CEP128: variants seen among roughly 807,000 people sequenced by gnomAD.
CEP128 encodes centrosomal protein 128kDa.
CEP128 carries 132 observed loss-of-function variants against 156.7 expected under a neutral mutation model. That is an observed-to-expected ratio of 0.84 (90% CI 0.73 to 0.97). The LOEUF (loss-of-function observed/expected upper bound fraction) is 0.97, where lower values mean the gene tolerates loss of function less well. Among genes scored for constraint, CEP128 ranks in the 50% least tolerant of loss-of-function variants. The probability of loss-of-function intolerance (pLI) is 0.00; values close to 1 mark genes in which losing one functional copy is unlikely to be tolerated. For missense variants in CEP128, 1,252 were observed against 1,281.9 expected, an observed-to-expected ratio of 0.98 and a Z score of 0.36; for synonymous variants, 469 against 448.9, an observed-to-expected ratio of 1.04 and a Z score of -0.57.
chr14:80,681,387 C>T (rs1165939901), intron 19 of CEP128, among the ~76,000 whole-genome samples: 4 of 152,170 alleles, frequency 2.6e-5, no homozygotes, highest in African/African-American at 7.2e-5. Flanking sequence ...CATTAGCTCT[C>T]CAGCAATGGT....
rs367978109 is a variant in CEP128, at chr14:80,589,345, TTAAG to T, written c.2807-8926_2807-8923del. On this transcript the variant is annotated intron_variant, in intron 19 of 24. Coordinates refer to ENST00000555265, the MANE Select transcript of CEP128 (RefSeq NM_152446.5). ...AAACTAACACACCTTAGAACTTTCA[TTAAG>T]TAATAAATTCAACTCTAAGAAAATT... Among the ~76,000 whole-genome samples, 246 of 152,240 alleles carry T rather than the reference TTAAG, an allele frequency of 1.6e-3. 1 individual carries two copies. Among genetic ancestry groups the T allele is most frequent in the African/African-American group, 5.7e-3 (236 of 41,562 alleles).
At chr14:80,656,282 TATATATATTTA>T (rs1895144109) in intron 19 of CEP128, among the ~76,000 whole-genome samples, 5 of 7,342 alleles carry the variant, frequency 6.8e-4, no homozygotes, top group African/African-American at 3.5e-3. Flanking sequence ...TTTTTATTTA[TATATATATTTA>T]TATATATATA....
At chr14:80,703,422 T>C (rs1484805683) in intron 19 of CEP128, among the ~76,000 whole-genome samples, 1 of 152,000 alleles carries the variant, frequency 6.6e-6, no homozygotes, top group Non-Finnish European at 1.5e-5. Context: ...AAGGACTCTC[T>C]GTAAAACAAT....
intron 7 of CEP128, among the ~76,000 whole-genome samples, chr14:80,898,100 C>T (rs1188440667): frequency 6.6e-6 from 1 of 152,198 alleles, no homozygotes. Context: ...CTTCATATGG[C>T]ATCCAAAGTA....
intron 13 of CEP128, among the ~76,000 whole-genome samples, chr14:80,826,106 A>AAAAC (rs34365945): frequency 2.8e-5 from 2 of 71,338 alleles, no homozygotes; most frequent in African/African-American, 2.2e-4. Context: ...ATTCTGTCTC[A>AAAAC]AAAAAAAAAA....
intron 19 of CEP128, among the ~76,000 whole-genome samples, chr14:80,638,446 A>G (rs1241008308): frequency 6.6e-6 from 1 of 152,140 alleles, no homozygotes; most frequent in Non-Finnish European, 1.5e-5. Flanking sequence ...CTATGGGCAC[A>G]GAGGACCTGG....
intron 9 of CEP128, among the ~76,000 whole-genome samples, chr14:80,857,274 T>C (rs1387977304): frequency 1.3e-5 from 2 of 150,712 alleles, no homozygotes; most frequent in African/African-American, 4.9e-5. Flanking sequence ...CATACCTCTT[T>C]CCCAACACTA....
chr14:80,786,301 G>C (rs537833774), intron 14 of CEP128, among the ~76,000 whole-genome samples: 1 of 152,246 alleles, frequency 6.6e-6, no homozygotes, highest in South Asian at 2.1e-4. Flanking sequence ...AGGGAGCCAA[G>C]ATTGTTTTCT....
chr14:80,611,447 T>G (rs1386209696), intron 19 of CEP128, among the ~76,000 whole-genome samples: 1 of 152,122 alleles, frequency 6.6e-6, no homozygotes, highest in South Asian at 2.1e-4. Context: ...GATACCTCAA[T>G]GAACTACATA....
At chr14:80,877,136 A>G (rs985367165) in intron 8 of CEP128, among the ~76,000 whole-genome samples, 3 of 152,202 alleles carry the variant, frequency 2.0e-5, no homozygotes, top group African/African-American at 7.2e-5. Flanking sequence ...TTTTAAAGAC[A>G]TATGTTGTAA....
At chr14:80,583,445 G>C (rs1891673575) in intron 19 of CEP128, among the ~76,000 whole-genome samples, 1 of 152,062 alleles carries the variant, frequency 6.6e-6, no homozygotes, top group Admixed American at 6.6e-5. Flanking sequence ...TGCTGCAGAA[G>C]CAGGTCATGG....
At chr14:80,917,767 G>A (rs1265193042) in intron 2 of CEP128, among the ~76,000 whole-genome samples, 1 of 152,190 alleles carries the variant, frequency 6.6e-6, no homozygotes, top group African/African-American at 2.4e-5. Context: ...ACAATAAAGA[G>A]AATGTGCTAA....
At chr14:80,619,359 G>GACACACACACACACACACAC (rs765931874) in intron 19 of CEP128, among the ~76,000 whole-genome samples, 1 of 72,632 alleles carries the variant, frequency 1.4e-5, no homozygotes, top group African/African-American at 5.8e-5. Flanking sequence ...ATGATTTAAA[G>GACACACACACACACACACAC]ACACACAGAC....
At chr14:80,546,688 G>C (rs181163876) in intron 21 of CEP128, among the ~76,000 whole-genome samples, 2 of 152,230 alleles carry the variant, frequency 1.3e-5, no homozygotes, top group East Asian at 3.9e-4. Flanking sequence ...ACCATGTCAA[G>C]GCCTCTGCTG....
intron 18 of CEP128, among the ~76,000 whole-genome samples, chr14:80,745,742 G>T (rs1179982778): frequency 6.6e-6 from 1 of 151,872 alleles, no homozygotes; most frequent in Non-Finnish European, 1.5e-5. Context: ...GTATTAGAGG[G>T]TTATGAAAAG....
At chr14:80,957,363 T>G (rs753645977) in intron 2 of CEP128, among the ~76,000 whole-genome samples, 12 of 152,110 alleles carry the variant, frequency 7.9e-5, no homozygotes, top group Non-Finnish European at 1.5e-4. Flanking sequence ...TGTTATTTAT[T>G]TGCATGCCCA....
At chr14:80,742,966 C>T (rs751702090) in intron 19 of CEP128, 109 bp downstream of exon 19, 33 of 890,320 alleles carry the variant, frequency 3.7e-5, no homozygotes, top group Non-Finnish European at 5.0e-5. Context: ...AGGAGATGGG[C>T]TTGGAAATAG....
downstream of CEP128, among the ~76,000 whole-genome samples, chr14:80,491,498 T>C (rs761085401): frequency 3.3e-5 from 5 of 152,196 alleles, no homozygotes; most frequent in Non-Finnish European, 7.3e-5. Context: ...TTGCTACCCA[T>C]CACTGTTTCA....
chr14:80,636,064 C>T (rs1195433145), intron 19 of CEP128, among the ~76,000 whole-genome samples: 1 of 152,180 alleles, frequency 6.6e-6, no homozygotes, highest in African/African-American at 2.4e-5. Flanking sequence ...TGGTCCCAAG[C>T]ATTTTGGTTC....
Sources: allele counts gnomAD v4.1 joint callset (sites outside exome capture counted in the v4.1 genomes callset), GRCh38; gene constraint gnomAD v4.1.1; transcripts MANE v1.5; gene names NCBI Gene and HGNC (gene_info 2026-07-23, HGNC 2026-07-21).